Variants in SIPA1L2 observed in about 807,000 individuals in gnomAD.
SIPA1L2 encodes signal induced proliferation associated 1 like 2.
Under a neutral mutation model 163.9 loss-of-function variants are expected in SIPA1L2, and 56 were observed. The ratio of observed to expected loss-of-function variants is 0.34; its 90% CI spans 0.28 to 0.43. The LOEUF is 0.43. SIPA1L2 is among the 20% of genes least tolerant of loss of function. The probability of loss-of-function intolerance (pLI) is 1.00; values close to 1 mark genes in which losing one functional copy is unlikely to be tolerated. For missense variants in SIPA1L2, 1,974 were observed against 2,193.5 expected (o/e 0.90, Z 2.00); for synonymous variants, 877 against 865.7 (o/e 1.01, Z -0.23).
chr1:232,449,379 A>C (rs560898930), intron 10 of SIPA1L2, among the ~76,000 whole-genome samples: 1 of 151,532 alleles, frequency 6.6e-6, no homozygotes, highest in African/African-American at 2.4e-5. Context: ...TTGGCCGGGC[A>C]CGGTGGTGGG....
chr1:232,462,708 T>C (rs937496317), intron 9 of SIPA1L2, among the ~76,000 whole-genome samples: 6 of 152,240 alleles, frequency 3.9e-5, no homozygotes, highest in Non-Finnish European at 7.3e-5. Flanking sequence ...TAAGCAATCC[T>C]ATCAAAAGAC....
intron 1 of SIPA1L2, among the ~76,000 whole-genome samples, chr1:232,575,499 G>T (rs949579399): frequency 6.6e-6 from 1 of 152,152 alleles, no homozygotes; most frequent in African/African-American, 2.4e-5. Flanking sequence ...GCGGCTGAAT[G>T]TAAGATTTTG....
At chr1:232,580,089 A>T (rs1275715283) in intron 1 of SIPA1L2, among the ~76,000 whole-genome samples, 1 of 152,250 alleles carries the variant, frequency 6.6e-6, no homozygotes, top group Non-Finnish European at 1.5e-5. Flanking sequence ...TCTTGATTAC[A>T]TGCTAAATAA....
intron 2 of SIPA1L2, among the ~76,000 whole-genome samples, chr1:232,562,976 TTAGACTGCCAAA>T: frequency 6.6e-6 from 1 of 152,320 alleles, no homozygotes; most frequent in Admixed American, 6.5e-5. Flanking sequence ...GCATCACCTG[TTAGACTGCCAAA>T]CCACTGTATT....
intron 3 of SIPA1L2, among the ~76,000 whole-genome samples, chr1:232,496,346 C>T (rs1455751800): frequency 6.6e-6 from 1 of 152,158 alleles, no homozygotes; most frequent in East Asian, 1.9e-4. Context: ...GCTATCCCAT[C>T]TAGGTTTCTG....
At chr1:232,450,145 T>C (rs886459334) in intron 10 of SIPA1L2, among the ~76,000 whole-genome samples, 6 of 152,238 alleles carry the variant, frequency 3.9e-5, no homozygotes, top group Non-Finnish European at 1.5e-5. Context: ...TCCTTTATTT[T>C]AACTCTGTTT....
In SIPA1L2 at chr1:232,463,558, C is replaced by T. The variant is rs147588058; in HGVS notation, c.2820+1282G>A. ...TCTAGGAAAATAGGATGGAGTCCATCGAATAGCAAATGTATAAAAGCCCAT... is the reference window on the plus strand; with the variant it reads ...TCTAGGAAAATAGGATGGAGTCCATTGAATAGCAAATGTATAAAAGCCCAT... On this transcript the variant is annotated intron_variant, in intron 9 of 22. Coordinates refer to ENST00000674635, the MANE Select transcript of SIPA1L2 (RefSeq NM_020808.5). Among the ~76,000 whole-genome samples, 179 of 152,220 alleles carry T rather than the reference C, an allele frequency of 1.2e-3. 3 individuals are homozygous for T. Among genetic ancestry groups the T allele is most frequent in the African/African-American group, 3.9e-3 (163 of 41,522 alleles).
chr1:232,428,637 G>T lies in SIPA1L2; in HGVS notation c.4257-73C>A, dbSNP rs530433810. The T allele has an allele frequency of 7.8e-4, 976 of 1,249,020 alleles. 2 individuals are homozygous for T. The highest frequency in any genetic ancestry group is 4.5e-3 in the Middle Eastern group (20 of 4,426). The allele number at this position is 1,249,020 out of a possible 1,614,324, so 77.4% of individuals were successfully genotyped here. A position where few individuals can be genotyped will look rare whatever the true frequency, so the allele number is the denominator to read the frequency against. ...TGTAGTGGTAAGAATTAAAACCTAG[G>T]AAGCAGTTTCAACAGCCACAAACGC... is the stretch of plus-strand genomic sequence containing the variant. On this transcript the variant is annotated intron_variant, in intron 16 of 22. Transcript: ENST00000674635.
At chr1:232,433,080 C>T (rs1182871984) in intron 15 of SIPA1L2, among the ~76,000 whole-genome samples, 4 of 152,162 alleles carry the variant, frequency 2.6e-5, no homozygotes, top group Admixed American at 2.0e-4. Context: ...CCCTGCTGCA[C>T]GTGCAACTGT....
rs1660125502 is a variant in SIPA1L2, at chr1:232,398,035, T to A, written c.*1092A>T. 1 of 152,580 alleles carries A rather than the reference T, an allele frequency of 6.6e-6. No homozygotes were observed. The highest frequency in any genetic ancestry group is 1.5e-5 in the Non-Finnish European group (1 of 68,026). The allele number at this position is 152,580 out of a possible 1,614,324, so 9.5% of individuals were successfully genotyped here. A position where few individuals can be genotyped will look rare whatever the true frequency, so the allele number is the denominator to read the frequency against. Reference sequence around the variant, plus strand: ...GTATGTTCATCTCAAATCTAACAGTTAAAAATGGTAAAGCAATACAAACAA... The same window carrying A: ...GTATGTTCATCTCAAATCTAACAGTAAAAAATGGTAAAGCAATACAAACAA... On this transcript the variant is annotated 3_prime_UTR_variant, in exon 23 of 23. Coordinates refer to ENST00000674635, the MANE Select transcript of SIPA1L2 (RefSeq NM_020808.5).
intron 6 of SIPA1L2, among the ~76,000 whole-genome samples, chr1:232,480,297 T>C (rs1181740895): frequency 6.6e-6 from 1 of 152,164 alleles, no homozygotes; most frequent in Admixed American, 6.5e-5. Flanking sequence ...AATGTTATTT[T>C]GAATATGTCT....
At chr1:232,493,445 C>A in intron 4 of SIPA1L2, 82 bp downstream of exon 4, 2 of 1,510,462 alleles carry the variant, frequency 1.3e-6, no homozygotes, top group Admixed American at 2.0e-5. Flanking sequence ...AAATTCAGTA[C>A]CCTATCTAAA....
intron 2 of SIPA1L2, among the ~76,000 whole-genome samples, chr1:232,522,417 C>A (rs1458349451): frequency 6.6e-6 from 1 of 151,994 alleles, no homozygotes; most frequent in East Asian, 1.9e-4. Flanking sequence ...TGTTATCCAT[C>A]ACACCTCAGT....
intron 3 of SIPA1L2, among the ~76,000 whole-genome samples, chr1:232,501,048 G>GTT (rs1421294418): frequency 1.7e-5 from 1 of 58,452 alleles, no homozygotes; most frequent in East Asian, 7.1e-4. Flanking sequence ...TAGCAATGAA[G>GTT]TATTTTTTTT....
At chr1:232,427,886 T>C (rs762376150) in intron 17 of SIPA1L2, among the ~76,000 whole-genome samples, 1 of 152,186 alleles carries the variant, frequency 6.6e-6, no homozygotes, top group African/African-American at 2.4e-5. Context: ...AGTTCAGTTC[T>C]GGAACAGGAT....
intron 1 of SIPA1L2, among the ~76,000 whole-genome samples, chr1:232,589,194 T>G (rs1660839553): frequency 6.6e-6 from 1 of 152,230 alleles, no homozygotes; most frequent in Admixed American, 6.5e-5. Context: ...GCAGTTTCAT[T>G]TCAATTCATT....
At chr1:232,447,180 T>C (rs1558184741) in intron 10 of SIPA1L2, among the ~76,000 whole-genome samples, 1 of 152,226 alleles carries the variant, frequency 6.6e-6, no homozygotes, top group Non-Finnish European at 1.5e-5. Context: ...GTTGAGATGA[T>C]AGTATTTTGG....
At chr1:232,535,861 A>G (rs74398384) in intron 2 of SIPA1L2, among the ~76,000 whole-genome samples, 2,270 of 152,356 alleles carry the variant, frequency 0.015, 62 homozygotes, top group African/African-American at 0.052. Context: ...TTTTTTACAT[A>G]TTAAAACAGA....
intron 2 of SIPA1L2, among the ~76,000 whole-genome samples, chr1:232,573,861 A>G (rs1659940004): frequency 6.6e-6 from 1 of 152,172 alleles, no homozygotes; most frequent in African/African-American, 2.4e-5. Context: ...TGCTCCATGT[A>G]GATAACACAC....
Sources: gnomAD v4.1 joint callset for allele counts (sites outside exome capture counted in the v4.1 genomes callset) on GRCh38, gnomAD v4.1.1 for gene constraint, MANE v1.5 for transcripts, NCBI Gene and HGNC (gene_info 2026-07-23, HGNC 2026-07-21) for gene names.